The following GOLM1 variants were observed in gnomAD, a reference collection of about 807,000 sequenced individuals.
GOLM1 encodes the protein epididymis luminal protein 46.
In GOLM1, 31 loss-of-function variants were observed where a neutral mutation model predicts 50.5. That is an observed-to-expected ratio of 0.61 (90% CI 0.46 to 0.83). The LOEUF (loss-of-function observed/expected upper bound fraction) is 0.83. GOLM1 is among the 40% of genes least tolerant of loss of function. GOLM1 has a pLI of 0.00. For missense variants in GOLM1, 491 were observed against 501.3 expected (o/e 0.98, Z 0.20); for synonymous variants, 178 against 192.8 (o/e 0.92, Z 0.64).
intron 1 of GOLM1, among the ~76,000 whole-genome samples, chr9:86,084,044 T>C (rs1003740190): frequency 1.3e-5 from 2 of 152,130 alleles, no homozygotes; most frequent in African/African-American, 4.8e-5. Flanking sequence ...GTTATCTGAA[T>C]TCTGAAAAAA....
At chr9:86,031,530 C>T (rs1458203354) in intron 9 of GOLM1, among the ~76,000 whole-genome samples, 1 of 138,526 alleles carries the variant, frequency 7.2e-6, no homozygotes, top group East Asian at 2.4e-4. Flanking sequence ...GTCACAATCT[C>T]GGCTCACTGC....
intron 5 of GOLM1, 144 bp from the exon 6 acceptor site, chr9:86,041,012 C>G (rs371448126): frequency 1.5e-6 from 1 of 658,750 alleles, no homozygotes; most frequent in Non-Finnish European, 2.6e-6. Context: ...CAGGGCAACA[C>G]GGGTGTGTGT....
chr9:86,067,646 A>C (rs1049342756), intron 3 of GOLM1, among the ~76,000 whole-genome samples: 2 of 152,190 alleles, frequency 1.3e-5, no homozygotes, highest in Non-Finnish European at 2.9e-5. Context: ...TCGGTTGAAC[A>C]GTGTACACCT....
rs552499844 is a variant in GOLM1, at chr9:86,032,231, G to A, written c.1129+1051C>T. Among the ~76,000 whole-genome samples the A allele has an allele frequency of 1.3e-5, 2 of 152,120 alleles. 1 individual carries two copies. The highest frequency in any genetic ancestry group is 4.8e-5 in the African/African-American group (2 of 41,484). ...TGCCCAGGCTGGAGTGCAGCGGTGC[G>A]ATCTCAGCTCACTGCAACCTCTGCC... On this transcript the variant is annotated intron_variant, in intron 9 of 9. Coordinates refer to ENST00000388712, the MANE Select transcript of GOLM1 (RefSeq NM_016548.4).
At chr9:86,046,858 A>G (rs548058023) in intron 4 of GOLM1, among the ~76,000 whole-genome samples, 2 of 152,180 alleles carry the variant, frequency 1.3e-5, no homozygotes, top group East Asian at 3.9e-4. Context: ...CCTTTAATGT[A>G]TATTGGAAGC....
chr9:86,070,851 T>A (rs938170947), intron 3 of GOLM1, among the ~76,000 whole-genome samples: 1 of 152,088 alleles, frequency 6.6e-6, no homozygotes, highest in Non-Finnish European at 1.5e-5. Context: ...CACACAGAAA[T>A]GTAGGGCCAA....
intron 4 of GOLM1, among the ~76,000 whole-genome samples, chr9:86,051,744 T>A (rs972466043): frequency 6.6e-5 from 10 of 151,670 alleles, no homozygotes; most frequent in Non-Finnish European, 1.2e-4. Flanking sequence ...ACCCCCCAAC[T>A]CCCACCCCCG....
chr9:86,026,733 A>G lies in GOLM1; in HGVS notation c.*1084T>C. 1.0e-6 allele frequency: 1 copy of G among 982,436 alleles called. No homozygotes were observed. The allele number at this position is 982,436 out of a possible 1,614,324, so 60.9% of individuals were successfully genotyped here. A position where few individuals can be genotyped will look rare whatever the true frequency, so the allele number is the denominator to read the frequency against. On this transcript the variant is annotated 3_prime_UTR_variant, in exon 10 of 10. Transcript: ENST00000388712. ...CAAGTCAAACCTTAATGCCATTGTT[A>G]TTGTGAATTAGGATTAAGTAGTAAT...
chr9:86,077,815 ACAC>A (rs1733384373), intron 2 of GOLM1: 1 of 509,174 alleles, frequency 2.0e-6, no homozygotes, highest in African/African-American at 1.9e-5. Flanking sequence ...CTGTGCACTC[ACAC>A]CACACTTCCC....
At chr9:86,092,484 G>A (rs11141228) in intron 1 of GOLM1, among the ~76,000 whole-genome samples, 5,557 of 152,246 alleles carry the variant, frequency 0.037, 299 homozygotes, top group East Asian at 0.27. Context: ...TATGAAAAAG[G>A]TTTGAGGAAG....
At chr9:86,042,049 G>C (rs899119796) in intron 5 of GOLM1, among the ~76,000 whole-genome samples, 1 of 152,126 alleles carries the variant, frequency 6.6e-6, no homozygotes, top group Non-Finnish European at 1.5e-5. Flanking sequence ...CCCGGGAGGC[G>C]GAGCTTGCAG....
At chr9:86,042,174 G>C (rs1833378595) in intron 5 of GOLM1, among the ~76,000 whole-genome samples, 1 of 152,230 alleles carries the variant, frequency 6.6e-6, no homozygotes, top group African/African-American at 2.4e-5. Context: ...CTATTGCATT[G>C]CTTCAGCTTG....
chr9:86,085,542 C>T (rs1347597457), intron 1 of GOLM1, among the ~76,000 whole-genome samples: 1 of 143,032 alleles, frequency 7.0e-6, no homozygotes, highest in Non-Finnish European at 1.5e-5. Flanking sequence ...AGGTTTGTTA[C>T]ATAGGTATAC....
At chr9:86,030,660 G>GA (rs1832947666) in intron 9 of GOLM1, among the ~76,000 whole-genome samples, 1 of 151,916 alleles carries the variant, frequency 6.6e-6, no homozygotes, top group Admixed American at 6.6e-5. Context: ...CCTGAACCCA[G>GA]AAAAAAAGAC....
intron 1 of GOLM1, among the ~76,000 whole-genome samples, chr9:86,082,436 A>C: frequency 1.4e-5 from 2 of 138,150 alleles, no homozygotes; most frequent in Non-Finnish European, 1.6e-5. Context: ...TGACACACTC[A>C]CTCTGTCACC....
At position 86,081,573 on chromosome 9, in the gene GOLM1, A is replaced by G. The variant is rs1587735149; in HGVS notation, c.-21-2232T>C. ...TTTTCCAAATGGCTTTTGCTAAGGA[A>G]AAAATAGGAAACTACACACAGTAGA... On this transcript the variant is annotated intron_variant, in intron 1 of 9. Transcript: ENST00000388712. Among the ~76,000 whole-genome samples the G allele has an allele frequency of 2.6e-5, 4 of 152,274 alleles. No individual in the cohort carries two copies. The South Asian group carries it at 8.3e-4, about 32-fold the overall frequency.
intron 3 of GOLM1, among the ~76,000 whole-genome samples, chr9:86,059,409 G>A (rs772309486): frequency 6.6e-6 from 1 of 152,168 alleles, no homozygotes; most frequent in African/African-American, 2.4e-5. Context: ...GATGAGGCTT[G>A]GAAACATTAC....
At chr9:86,095,445 A>G (rs13291564) in intron 1 of GOLM1, among the ~76,000 whole-genome samples, 287 of 147,946 alleles carry the variant, frequency 1.9e-3, no homozygotes, top group African/African-American at 6.5e-3. Flanking sequence ...ATGGGGTTTC[A>G]CCATGTTGGC....
chr9:86,096,150 ACACAC>A (rs1261426084), intron 1 of GOLM1, among the ~76,000 whole-genome samples: 1 of 150,946 alleles, frequency 6.6e-6, no homozygotes, highest in African/African-American at 2.4e-5. Flanking sequence ...GCAATAAAGT[ACACAC>A]CACATGATAA....
Sources: allele counts gnomAD v4.1 joint callset (sites outside exome capture counted in the v4.1 genomes callset), GRCh38; gene constraint gnomAD v4.1.1; transcripts MANE v1.5; gene names NCBI Gene and HGNC (gene_info 2026-07-23, HGNC 2026-07-21).